FRAS1: variants seen among roughly 807,000 people sequenced by gnomAD.
The protein encoded by FRAS1 is Fraser extracellular matrix complex subunit 1.
A neutral mutation model predicts 435.2 loss-of-function variants in FRAS1; 290 were observed. The ratio of observed to expected loss-of-function variants is 0.67; its 90% CI spans 0.61 to 0.73. The LOEUF (loss-of-function observed/expected upper bound fraction) is 0.73. Ranked by LOEUF, FRAS1 falls within the 30% of genes least tolerant of loss-of-function variation. The pLI, the probability that FRAS1 is intolerant of heterozygous loss-of-function variation, is 0.00. For synonymous variants in FRAS1, 1,800 were observed against 1,851.0 expected (o/e 0.97, Z 0.71); for missense variants, 4,860 against 5,001.5 (o/e 0.97, Z 0.85).
chr4:78,267,480 C>T (rs371190765), intron 9 of FRAS1, 48 bp downstream of exon 9: 57 of 1,557,934 alleles, frequency 3.7e-5, no homozygotes, highest in Admixed American at 1.5e-4. Flanking sequence ...CTCTTTCCAA[C>T]GGGATAGTGA....
intron 2 of FRAS1, among the ~76,000 whole-genome samples, chr4:78,134,419 C>T (rs1462359771): frequency 2.6e-5 from 4 of 152,064 alleles, no homozygotes; most frequent in African/African-American, 9.7e-5. Flanking sequence ...ATCACTGTGG[C>T]TTCTAAGTAC....
At chr4:78,224,254 T>A (rs1465641506) in intron 2 of FRAS1, among the ~76,000 whole-genome samples, 1 of 152,232 alleles carries the variant, frequency 6.6e-6, no homozygotes. Flanking sequence ...TGAAAGATCG[T>A]GGTCCTTGAC....
In FRAS1 at chr4:78,333,366, C is replaced by T; in HGVS notation, c.2232C>T (p.Leu744=). Residue 744 remains leucine (L), a synonymous_variant, in exon 19 of 74, where the codon CTC becomes CTT. Coordinates refer to ENST00000512123, the MANE Select transcript of FRAS1 (RefSeq NM_025074.7). Reference sequence around the variant, plus strand: ...ATGTGCTGTTGGATGGGCAGTGCCTCTCCCAGTGCCCAGATGGCTACTTTC... The same window carrying T: ...ATGTGCTGTTGGATGGGCAGTGCCTTTCCCAGTGCCCAGATGGCTACTTTC... ...PSHVLLDGQC[L]SQCPDGYFHQ... is the part of the protein sequence containing the mutation. The T allele has an allele frequency of 6.2e-7, 1 of 1,612,076 alleles. No homozygotes were observed. Among genetic ancestry groups the T allele is most frequent in the Non-Finnish European group, 8.5e-7 (1 of 1,179,122 alleles).
chr4:78,223,598 A>T, intron 2 of FRAS1, among the ~76,000 whole-genome samples: 1 of 152,260 alleles, frequency 6.6e-6, no homozygotes, highest in Middle Eastern at 3.4e-3. Context: ...ATGGGAACAT[A>T]TGGTATAGGT....
At chr4:78,526,513 G>A (rs375726837) in intron 69 of FRAS1, 28 bp from the exon 70 acceptor site, 304 of 1,458,742 alleles carry the variant, frequency 2.1e-4, no homozygotes, top group Non-Finnish European at 2.7e-4. Flanking sequence ...TGTTCCCTAC[G>A]ATCACAGTCT....
intron 47 of FRAS1, among the ~76,000 whole-genome samples, chr4:78,460,153 G>A (rs1402156740): frequency 2.0e-5 from 3 of 152,178 alleles, no homozygotes; most frequent in Non-Finnish European, 1.5e-5. Context: ...CCCACAGCTG[G>A]GCTGCAAGTG....
intron 22 of FRAS1, among the ~76,000 whole-genome samples, chr4:78,367,639 ATT>A (rs113396997): frequency 8.1e-5 from 12 of 148,774 alleles, no homozygotes; most frequent in African/African-American, 2.2e-4. Context: ...AAAATCTTAG[ATT>A]TTTTTTTTTC....
At chr4:78,252,292 A>G (rs990357487) in intron 4 of FRAS1, 100 bp from the exon 5 acceptor site, 109 of 1,197,212 alleles carry the variant, frequency 9.1e-5, no homozygotes, top group Non-Finnish European at 1.2e-4. Flanking sequence ...CCTGAGCTCC[A>G]TCCTTAATTT....
At chr4:78,501,589 A>G (rs1426559113) in intron 61 of FRAS1, among the ~76,000 whole-genome samples, 1 of 152,198 alleles carries the variant, frequency 6.6e-6, no homozygotes, top group African/African-American at 2.4e-5. Flanking sequence ...CCAACAGCAT[A>G]AAAGCGGTCC....
chr4:78,181,366 G>C, intron 2 of FRAS1: 1 of 1,611,776 alleles, frequency 6.2e-7, no homozygotes, highest in South Asian at 1.1e-5. Flanking sequence ...ATTCGTCTTT[G>C]ACAGTTCCCC....
chr4:78,294,649 G>A (rs6821829), intron 14 of FRAS1, among the ~76,000 whole-genome samples: 4,827 of 152,176 alleles, frequency 0.032, 263 homozygotes, highest in African/African-American at 0.11. Flanking sequence ...TTCAAGTTCT[G>A]TGTCTACCAA....
chr4:78,103,324 G>A (rs888823921), intron 2 of FRAS1, among the ~76,000 whole-genome samples: 21 of 152,132 alleles, frequency 1.4e-4, no homozygotes, highest in African/African-American at 4.8e-4. Context: ...TCAAGAACTG[G>A]AAATGGTTTA....
intron 70 of FRAS1, 24 bp from the exon 71 acceptor site, chr4:78,534,425 C>T: frequency 6.2e-7 from 1 of 1,602,742 alleles, no homozygotes; most frequent in Non-Finnish European, 8.5e-7. Context: ...TCTCAAAGAG[C>T]TCTTTGTTTC....
At chr4:78,430,574 ACTT>A (rs1460232371) in intron 37 of FRAS1, among the ~76,000 whole-genome samples, 157 bp downstream of exon 37, 3 of 151,920 alleles carry the variant, frequency 2.0e-5, no homozygotes, top group African/African-American at 7.3e-5. Context: ...GATATTTGAG[ACTT>A]CTTCGTGTTC....
Position 78,422,526 on chromosome 4 carries a change from G to T in FRAS1, c.4678+526G>T, listed in dbSNP as rs1733829362. The stretch of plus-strand genomic sequence containing the variant: ...AAAGTGTATGTATTTGGATGGTCAG[G>T]AAAATGTCCCTGAAGGAAGAGCACT... On this transcript the variant is annotated intron_variant, in intron 34 of 73. Coordinates refer to ENST00000512123, the MANE Select transcript of FRAS1 (RefSeq NM_025074.7). Among the ~76,000 whole-genome samples, 3 of 152,174 alleles carry T rather than the reference G, an allele frequency of 2.0e-5. No homozygotes were observed. The South Asian group carries it at 6.2e-4, about 32-fold the overall frequency.
intron 61 of FRAS1, among the ~76,000 whole-genome samples, chr4:78,502,634 T>A (rs58432455): frequency 0.33 from 49,978 of 152,014 alleles, 8,940 homozygotes; most frequent in South Asian, 0.52. Flanking sequence ...TGGGGTTTTC[T>A]AAATATACAA....
rs184007847 is a variant in FRAS1, at chr4:78,423,895, G to A, written c.4679-493G>A. 5.9e-5 allele frequency among the ~76,000 whole-genome samples: 9 copies of A among 152,218 alleles called. No individual in the cohort carries two copies. The East Asian group carries it at 1.2e-3, about 20-fold the overall frequency. ...GTGGTTGAAGTCATCCACTAAACTCGCCCGAGTTCCTAGAGCCTGTTCAGA... is the reference window on the plus strand; with the variant it reads ...GTGGTTGAAGTCATCCACTAAACTCACCCGAGTTCCTAGAGCCTGTTCAGA... On this transcript the variant is annotated intron_variant, in intron 34 of 73. Transcript: ENST00000512123.
chr4:78,319,522 T>G, intron 18 of FRAS1: 1 of 416,726 alleles, frequency 2.4e-6, no homozygotes. Flanking sequence ...ATAGTTTCCT[T>G]TCTGTTCCCA....
intron 29 of FRAS1, among the ~76,000 whole-genome samples, chr4:78,390,707 C>G (rs1268462906): frequency 6.6e-6 from 1 of 152,190 alleles, no homozygotes; most frequent in Non-Finnish European, 1.5e-5. Flanking sequence ...AAAAATGCCT[C>G]AACTCTTATG....
Sources: allele counts gnomAD v4.1 joint callset (sites outside exome capture counted in the v4.1 genomes callset), GRCh38; gene constraint gnomAD v4.1.1; transcripts MANE v1.5; gene names NCBI Gene and HGNC (gene_info 2026-07-23, HGNC 2026-07-21).